XPO6: variants seen among roughly 807,000 people sequenced by gnomAD.
XPO6 encodes the protein exportin-6.
XPO6 carries 3 observed loss-of-function variants against 130.0 expected under a neutral mutation model. That is an observed-to-expected ratio of 0.02 (90% CI 0.01 to 0.06). The LOEUF (loss-of-function observed/expected upper bound fraction) is 0.06. XPO6 is among the 10% of genes least tolerant of loss of function. The pLI is 1.00. For synonymous variants in XPO6, 524 were observed against 548.9 expected (o/e 0.95, Z 0.63); for missense variants, 970 against 1,393.0 (o/e 0.70, Z 4.83).
intron 21 of XPO6, among the ~76,000 whole-genome samples, chr16:28,103,131 T>C (rs967936069): frequency 1.3e-5 from 2 of 152,156 alleles, no homozygotes; most frequent in African/African-American, 4.8e-5. Flanking sequence ...GACACTTCCA[T>C]CACCTGGAAC....
chr16:28,133,993 C>T, intron 10 of XPO6, 60 bp from the exon 11 acceptor site: 1 of 1,510,844 alleles, frequency 6.6e-7, no homozygotes. Context: ...CCTTGCCAAC[C>T]TCAAGACCAC....
intron 1 of XPO6, among the ~76,000 whole-genome samples, chr16:28,186,949 C>G (rs1189858347): frequency 2.0e-5 from 3 of 152,154 alleles, no homozygotes; most frequent in Non-Finnish European, 4.4e-5. Flanking sequence ...AATTAAGCCC[C>G]TGGGATACAA....
intron 6 of XPO6, among the ~76,000 whole-genome samples, chr16:28,158,660 T>C (rs946900911): frequency 5.3e-5 from 8 of 152,282 alleles, no homozygotes; most frequent in East Asian, 3.9e-4. Flanking sequence ...AGACCCAAAA[T>C]TGGAGGACCA....
chr16:28,155,868 G>A, intron 7 of XPO6: 1 of 1,306,294 alleles, frequency 7.7e-7, no homozygotes, highest in Non-Finnish European at 9.9e-7. Context: ...CAAGGCACAA[G>A]CATTTTTCAA....
At chr16:28,185,201 A>G (rs1186782483) in intron 1 of XPO6, among the ~76,000 whole-genome samples, 3 of 152,104 alleles carry the variant, frequency 2.0e-5, no homozygotes, top group East Asian at 1.9e-4. Flanking sequence ...TTTAACAACA[A>G]CAACAAAAAA....
intron 4 of XPO6, among the ~76,000 whole-genome samples, chr16:28,173,386 A>T (rs1357371871): frequency 6.6e-6 from 1 of 152,198 alleles, no homozygotes; most frequent in African/African-American, 2.4e-5. Context: ...ACTTAGTCCA[A>T]CCCTCTCATT....
chr16:28,169,948 T>C, intron 4 of XPO6, 39 bp from the exon 5 acceptor site: 1 of 1,608,228 alleles, frequency 6.2e-7, no homozygotes, highest in Non-Finnish European at 8.5e-7. Flanking sequence ...AGTGTTGGAC[T>C]AATAAAGTAC....
chr16:28,194,446 A>G (rs2141895271), intron 1 of XPO6, among the ~76,000 whole-genome samples: 1 of 152,292 alleles, frequency 6.6e-6, no homozygotes, highest in African/African-American at 2.4e-5. Flanking sequence ...TTCTAGCAGC[A>G]AACACTTTTT....
rs1406685802 is a variant in XPO6, at chr16:28,166,604, C to T, written c.566-19G>A. On this transcript the variant is annotated intron_variant, in intron 5 of 23. Coordinates refer to ENST00000304658, the MANE Select transcript of XPO6 (RefSeq NM_015171.4). ...AAGATACCTACCAAGAAAGGAGAAACAGAGTTATAAGAGAAATAATGTCCA... is the reference window on the plus strand; with the variant it reads ...AAGATACCTACCAAGAAAGGAGAAATAGAGTTATAAGAGAAATAATGTCCA... 2 of 1,566,622 alleles carry T rather than the reference C, an allele frequency of 1.3e-6. No homozygotes were observed. Among genetic ancestry groups the T allele is most frequent in the Admixed American group, 1.9e-5 (1 of 52,898 alleles).
intron 1 of XPO6, among the ~76,000 whole-genome samples, chr16:28,207,794 G>A (rs1430451506): frequency 6.6e-6 from 1 of 152,178 alleles, no homozygotes. Flanking sequence ...GCTCTGGCAG[G>A]AACAGCCATA....
chr16:28,174,982 C>A (rs950334283), intron 4 of XPO6, among the ~76,000 whole-genome samples: 1 of 152,188 alleles, frequency 6.6e-6, no homozygotes, highest in Non-Finnish European at 1.5e-5. Context: ...ATCCACACTT[C>A]CTAATGTCTC....
At chr16:28,115,880 G>T (rs1326927611) in intron 15 of XPO6, among the ~76,000 whole-genome samples, 2 of 152,186 alleles carry the variant, frequency 1.3e-5, no homozygotes, top group Non-Finnish European at 2.9e-5. Context: ...CCTGGAGATG[G>T]CTTCTTTCCT....
chr16:28,151,298 A>G (rs939792496), intron 8 of XPO6, among the ~76,000 whole-genome samples: 3 of 152,216 alleles, frequency 2.0e-5, no homozygotes, highest in South Asian at 4.1e-4. Flanking sequence ...AGCACGTACA[A>G]GAATGTTCAC....
At chr16:28,122,142 T>C (rs530336464) in intron 13 of XPO6, among the ~76,000 whole-genome samples, 1 of 152,218 alleles carries the variant, frequency 6.6e-6, no homozygotes, top group Admixed American at 6.5e-5. Flanking sequence ...ATCGTGAATG[T>C]TCATCTATTA....
chr16:28,103,127 T>C (rs761959073), intron 21 of XPO6, among the ~76,000 whole-genome samples: 1 of 152,112 alleles, frequency 6.6e-6, no homozygotes, highest in African/African-American at 2.4e-5. Flanking sequence ...ACAGGACACT[T>C]CCATCACCTG....
At chr16:28,178,027 C>T (rs2043559350) in intron 2 of XPO6, among the ~76,000 whole-genome samples, 1 of 152,188 alleles carries the variant, frequency 6.6e-6, no homozygotes, top group Non-Finnish European at 1.5e-5. Flanking sequence ...CCAGAACCCA[C>T]AAGGCAGCAA....
chr16:28,111,656 T>C (rs2141247740), intron 17 of XPO6, 161 bp downstream of exon 17: 2 of 653,820 alleles, frequency 3.1e-6, no homozygotes, highest in East Asian at 2.8e-5. Flanking sequence ...ATTCCAAAGG[T>C]AGCAGGATCC....
At chr16:28,134,509 C>T (rs1398101252) in intron 10 of XPO6, among the ~76,000 whole-genome samples, 1 of 152,206 alleles carries the variant, frequency 6.6e-6, no homozygotes, top group East Asian at 1.9e-4. Flanking sequence ...CACACCCAGC[C>T]CTCCAATCTC....
intron 4 of XPO6, among the ~76,000 whole-genome samples, chr16:28,171,470 A>G (rs1211098892): frequency 3.3e-4 from 48 of 146,150 alleles, no homozygotes; most frequent in African/African-American, 1.1e-3. Flanking sequence ...AAAAAAAAAA[A>G]AAAGAAAAAG....
Sources: gnomAD v4.1 joint callset for allele counts (sites outside exome capture counted in the v4.1 genomes callset) on GRCh38, gnomAD v4.1.1 for gene constraint, MANE v1.5 for transcripts, NCBI Gene and HGNC (gene_info 2026-07-23, HGNC 2026-07-21) for gene names.